The following HS6ST2 variants were observed in gnomAD, a reference collection of about 807,000 sequenced individuals.
The protein encoded by HS6ST2 is heparan sulfate 6-O-sulfotransferase 2, also known as heparan-sulfate 6-O-sulfotransferase 2.
HS6ST2 carries 17 observed loss-of-function variants against 33.0 expected under a neutral mutation model. The ratio of observed to expected loss-of-function variants is 0.52; its 90% confidence interval spans 0.35 to 0.77. The LOEUF (loss-of-function observed/expected upper bound fraction) is 0.77, where lower values mean the gene tolerates loss of function less well. Ranked by LOEUF, HS6ST2 falls within the 30% of genes least tolerant of loss-of-function variation. The pLI is 0.01. For synonymous variants in HS6ST2, 248 were observed against 237.1 expected, an observed-to-expected ratio of 1.05 and a Z score of -0.42; for missense variants, 519 against 551.7, an observed-to-expected ratio of 0.94 and a Z score of 0.59.
chrX:132,809,109 C>T (rs1447589839), intron 2 of HS6ST2, among the ~76,000 whole-genome samples: 3 of 111,828 alleles, frequency 2.7e-5, no homozygotes, highest in Non-Finnish European at 5.6e-5. Flanking sequence ...CTGCATCAGC[C>T]TACAGAGTAG....
chrX:132,902,663 T>A (rs1015885411), intron 2 of HS6ST2, among the ~76,000 whole-genome samples: 1 of 112,127 alleles, frequency 8.9e-6, no homozygotes, highest in Admixed American at 9.5e-5. Context: ...AAGCTTGTAG[T>A]CTTTCCAAAA....
At chrX:132,743,289 G>A (rs1014975264) in intron 2 of HS6ST2, among the ~76,000 whole-genome samples, 4 of 112,015 alleles carry the variant, frequency 3.6e-5, no homozygotes, top group Non-Finnish European at 5.6e-5. Flanking sequence ...TTTCATTGAC[G>A]GGAAGCTCTG....
At chrX:132,899,334 T>C (rs991282811) in intron 2 of HS6ST2, among the ~76,000 whole-genome samples, 8 of 111,304 alleles carry the variant, frequency 7.2e-5, no homozygotes, top group African/African-American at 2.6e-4. Flanking sequence ...TGACACAAAT[T>C]ATAGACTTAA....
intron 2 of HS6ST2, among the ~76,000 whole-genome samples, chrX:132,880,246 T>A (rs1248904812): frequency 9.0e-6 from 1 of 111,690 alleles, no homozygotes; most frequent in Non-Finnish European, 1.9e-5. Flanking sequence ...GGTAAAAAAG[T>A]TCAGAGAGGC....
chrX:132,820,102 T>C (rs976450727), intron 2 of HS6ST2, among the ~76,000 whole-genome samples: 1 of 111,559 alleles, frequency 9.0e-6, no homozygotes, highest in African/African-American at 3.3e-5. Context: ...CTCTTCCTGC[T>C]TTTAGAAGGC....
chrX:132,867,398 A>C (rs1260234129), intron 2 of HS6ST2, among the ~76,000 whole-genome samples: 1 of 109,695 alleles, frequency 9.1e-6, no homozygotes, highest in Non-Finnish European at 1.9e-5. Context: ...TTTATTGAGG[A>C]TTTTTGCATC....
chrX:132,794,784 T>C (rs1168419597), intron 2 of HS6ST2, among the ~76,000 whole-genome samples: 1 of 110,744 alleles, frequency 9.0e-6, no homozygotes, highest in Non-Finnish European at 1.9e-5. Flanking sequence ...TGCTAGTCAC[T>C]GTGCAGTTGC....
intron 2 of HS6ST2, among the ~76,000 whole-genome samples, chrX:132,815,599 A>C (rs2065386729): frequency 8.9e-6 from 1 of 112,140 alleles, no homozygotes; most frequent in Non-Finnish European, 1.9e-5. Context: ...TGGCTCTGTT[A>C]GCTTTTTGTT....
intron 2 of HS6ST2, among the ~76,000 whole-genome samples, chrX:132,739,846 A>G (rs1355590183): frequency 8.9e-6 from 1 of 112,046 alleles, no homozygotes; most frequent in Non-Finnish European, 1.9e-5. Context: ...TTTGCTAAGA[A>G]CATGATTTTG....
At chrX:132,679,691 G>A (rs751745357) in intron 3 of HS6ST2, among the ~76,000 whole-genome samples, 7 of 109,376 alleles carry the variant, frequency 6.4e-5, no homozygotes, top group South Asian at 4.2e-4. Context: ...GCCTGGGAGC[G>A]CTATGGGAGA....
upstream of HS6ST2, chrX:132,958,819 T>C (rs1327669097): frequency 2.8e-6 from 1 of 355,378 alleles, no homozygotes; most frequent in African/African-American, 2.6e-5. Flanking sequence ...TTGGAGCTTT[T>C]CCGTCTCTCT....
At chrX:132,792,124 T>A (rs903379445) in intron 2 of HS6ST2, among the ~76,000 whole-genome samples, 4 of 112,755 alleles carry the variant, frequency 3.5e-5, no homozygotes, top group Admixed American at 2.8e-4. Flanking sequence ...GCAATCTGAA[T>A]TAGGATTTGT....
chrX:132,912,957 G>A (rs775439665), intron 2 of HS6ST2, among the ~76,000 whole-genome samples: 44 of 110,796 alleles, frequency 4.0e-4, no homozygotes, highest in African/African-American at 1.4e-3. Context: ...TTTTTATACT[G>A]TCGTGCCCAC....
intron 2 of HS6ST2, among the ~76,000 whole-genome samples, chrX:132,738,378 G>A (rs959195432): frequency 1.8e-5 from 2 of 112,371 alleles, no homozygotes; most frequent in Admixed American, 1.9e-4. Flanking sequence ...GTGGGTCTGT[G>A]ACTAGACCTT....
intron 3 of HS6ST2, among the ~76,000 whole-genome samples, chrX:132,684,101 T>C (rs2063995832): frequency 9.2e-6 from 1 of 108,500 alleles, no homozygotes; most frequent in African/African-American, 3.4e-5. Flanking sequence ...TCTCAACTTG[T>C]GATTAAAGAG....
intron 4 of HS6ST2, among the ~76,000 whole-genome samples, chrX:132,631,780 G>C (rs373855718): frequency 9.0e-6 from 1 of 111,161 alleles, no homozygotes; most frequent in African/African-American, 3.3e-5. Flanking sequence ...ATTGGTTTAA[G>C]CCTACAGTGA....
intron 2 of HS6ST2, among the ~76,000 whole-genome samples, chrX:132,760,535 T>C (rs778560278): frequency 7.8e-4 from 87 of 112,150 alleles, no homozygotes; most frequent in African/African-American, 2.8e-3. Context: ...CAATTAAACT[T>C]CTTCCCTTTA....
intron 4 of HS6ST2, among the ~76,000 whole-genome samples, chrX:132,650,688 C>T (rs1187190413): frequency 1.8e-5 from 2 of 108,775 alleles, no homozygotes; most frequent in Non-Finnish European, 3.8e-5. Context: ...CCTTTTCCAC[C>T]TCAACCCACC....
At position 132,885,138 on chromosome X, in the gene HS6ST2, A is replaced by G. The variant is rs143651329; in HGVS notation, c.947+71670T>C. On this transcript the variant is annotated intron_variant, in intron 2 of 4. Coordinates refer to ENST00000370833, the MANE Select transcript of HS6ST2 (RefSeq NM_001394073.1). ...CATCAAGTGATAAACAGATAAACCA[A>G]ATATGATCTACCCTTATAATGGACT... Among the ~76,000 whole-genome samples the G allele has an allele frequency of 5.7e-3, 643 of 111,840 alleles. 3 individuals are homozygous for G. Among genetic ancestry groups the G allele is most frequent in the African/African-American group, 0.018 (560 of 30,831 alleles).
Sources: gnomAD v4.1 joint callset for allele counts (sites outside exome capture counted in the v4.1 genomes callset) on GRCh38, gnomAD v4.1.1 for gene constraint, MANE v1.5 for transcripts, NCBI Gene and HGNC (gene_info 2026-07-23, HGNC 2026-07-21) for gene names.